The following CRACDL variants were observed in gnomAD, a reference collection of about 807,000 sequenced individuals.
The protein encoded by CRACDL is CRACD-like protein.
A neutral mutation model predicts 70.6 loss-of-function variants in CRACDL; 26 were observed. That is an observed-to-expected ratio of 0.37 (90% CI 0.27 to 0.51). The LOEUF is 0.51. Ranked by LOEUF, CRACDL falls within the 20% of genes least tolerant of loss-of-function variation. CRACDL has a pLI of 0.94. For missense variants in CRACDL, 1,283 were observed against 1,376.9 expected, an observed-to-expected ratio of 0.93 and a Z score of 1.08; for synonymous variants, 618 against 615.2, an observed-to-expected ratio of 1.00 and a Z score of -0.07.
intron 1 of CRACDL, among the ~76,000 whole-genome samples, chr2:98,922,641 A>T (rs1009687430): frequency 6.6e-6 from 1 of 152,188 alleles, no homozygotes; most frequent in African/African-American, 2.4e-5. Context: ...CTATGATGCC[A>T]TGCAGCTCCA....
intron 1 of CRACDL, among the ~76,000 whole-genome samples, chr2:98,880,367 C>T (rs4851169): frequency 0.038 from 5,727 of 152,202 alleles, 305 homozygotes; most frequent in East Asian, 0.13. Context: ...CTGTGCTAGG[C>T]GCTGTTCTAA....
rs183492134 is a variant in CRACDL, at chr2:98,893,447, C to T, written c.-11+42491G>A. On this transcript the variant is annotated intron_variant, in intron 1 of 9. Transcript: ENST00000397899. ...TACAGGTGTCCATCACCACACCTGG[C>T]TAATTTTTTGTATTTTTTAGTAGAG... is the stretch of plus-strand genomic sequence containing the variant. Among the ~76,000 whole-genome samples, 479 of 152,250 alleles carry T rather than the reference C, an allele frequency of 3.1e-3. 3 individuals are homozygous for T. Among genetic ancestry groups the T allele is most frequent in the Non-Finnish European group, 5.5e-3 (372 of 68,020 alleles).
At chr2:98,864,923 TAA>T in intron 1 of CRACDL, among the ~76,000 whole-genome samples, 1 of 152,220 alleles carries the variant, frequency 6.6e-6, no homozygotes, top group Non-Finnish European at 1.5e-5. Flanking sequence ...AAGGATGAAA[TAA>T]AGACATTTTC....
chr2:98,916,904 C>T (rs1269909257), intron 1 of CRACDL, among the ~76,000 whole-genome samples: 1 of 152,226 alleles, frequency 6.6e-6, no homozygotes, highest in East Asian at 1.9e-4. Context: ...CCCAAACCAT[C>T]TCCTTTGCTA....
chr2:98,817,237 T>C (rs536030742), intron 7 of CRACDL, among the ~76,000 whole-genome samples: 7 of 152,284 alleles, frequency 4.6e-5, no homozygotes, highest in Non-Finnish European at 8.8e-5. Flanking sequence ...TCAATGTTTA[T>C]AAAGTTTCAG....
intron 3 of CRACDL, among the ~76,000 whole-genome samples, chr2:98,837,765 T>C (rs1705859944): frequency 6.6e-6 from 1 of 152,178 alleles, no homozygotes; most frequent in African/African-American, 2.4e-5. Context: ...ATTTTTCTAA[T>C]ATAGCATCTA....
At chr2:98,813,247 A>G (rs1471685952) in intron 7 of CRACDL, among the ~76,000 whole-genome samples, 1 of 152,204 alleles carries the variant, frequency 6.6e-6, no homozygotes, top group African/African-American at 2.4e-5. Flanking sequence ...CTTGACCAAC[A>G]TGGTGAAACC....
Position 98,905,627 on chromosome 2 carries a change from AT to A in CRACDL, c.-11+30310del, listed in dbSNP as rs34712128. On this transcript the variant is annotated intron_variant, in intron 1 of 9. Transcript: ENST00000397899. ...TTTAGTCTAAGACTGGTGTTACCTCATTTTTTTTTTTTTTTTTTTGAGACAG... is the reference window on the plus strand; with the variant it reads ...TTTAGTCTAAGACTGGTGTTACCTCATTTTTTTTTTTTTTTTTTGAGACAG... 4.6e-3 allele frequency among the ~76,000 whole-genome samples: 602 copies of A among 130,710 alleles called. 2 individuals carry two copies. The highest frequency in any genetic ancestry group is 0.017 in the East Asian group (79 of 4,542). The allele number at this position is 130,710 out of a possible 152,430, so 85.8% of individuals were successfully genotyped here.
At chr2:98,862,324 A>T (rs1706973142) in intron 1 of CRACDL, among the ~76,000 whole-genome samples, 1 of 152,170 alleles carries the variant, frequency 6.6e-6, no homozygotes, top group African/African-American at 2.4e-5. Flanking sequence ...ACAGAAGCTA[A>T]TTTCCAGAGT....
Position 98,822,152 on chromosome 2 carries a change from C to T in CRACDL, c.2121G>A (p.Lys707=). The T allele has an allele frequency of 1.2e-6, 2 of 1,606,072 alleles. No individual in the cohort carries two copies. The highest frequency in any genetic ancestry group is 1.7e-6 in the Non-Finnish European group (2 of 1,176,640). The change falls in exon 7 of 10, where the codon AAG becomes AAA. Residue 707 remains lysine, a synonymous_variant. Transcript: ENST00000397899. This position sits in a 1 kb window ranked among gnomAD's most constrained non-coding sequence, Gnocchi z 4.9. ...DGASQEVKGV[K]RYSAEVRLER... ...CTAACCGGACCTCGGCACTGTACCT[C>T]TTCACACCCTTCACCTCCTGAGAGG...
chr2:98,828,258 G>A (rs751221221), intron 5 of CRACDL, among the ~76,000 whole-genome samples: 4 of 152,212 alleles, frequency 2.6e-5, no homozygotes, highest in Admixed American at 6.5e-5. Flanking sequence ...GATGAGGGGC[G>A]AGGTGCACAG....
rs899941468 is a variant in CRACDL, at chr2:98,928,533, C to T, written c.-11+7405G>A. Reference sequence around the variant, plus strand: ...CTAATTGCTGGGCCCTCCCTGCTGGCTGGCCTGGCCATGTCTGGTCTATAG... The same window carrying T: ...CTAATTGCTGGGCCCTCCCTGCTGGTTGGCCTGGCCATGTCTGGTCTATAG... On this transcript the variant is annotated intron_variant, in intron 1 of 9. Transcript: ENST00000397899. Among the ~76,000 whole-genome samples, 3 of 152,106 alleles carry T rather than the reference C, an allele frequency of 2.0e-5. No homozygotes were observed. The South Asian group carries it at 6.2e-4, about 31-fold the overall frequency.
intron 1 of CRACDL, among the ~76,000 whole-genome samples, chr2:98,915,730 G>T (rs982179412): frequency 6.6e-6 from 1 of 152,056 alleles, no homozygotes; most frequent in Non-Finnish European, 1.5e-5. Flanking sequence ...TGAGTGACAC[G>T]TGGAAGTTAG....
At chr2:98,809,028 G>C (rs546896032) in intron 7 of CRACDL, among the ~76,000 whole-genome samples, 1 of 152,334 alleles carries the variant, frequency 6.6e-6, no homozygotes, top group African/African-American at 2.4e-5. Context: ...GAAACTGTAA[G>C]ACTTCCAGCA....
intron 7 of CRACDL, among the ~76,000 whole-genome samples, chr2:98,801,545 C>G (rs1395339600): frequency 6.6e-6 from 1 of 152,202 alleles, no homozygotes; most frequent in East Asian, 1.9e-4. Context: ...GGTGTAGACA[C>G]TTGCTAGTGT....
chr2:98,830,676 CT>C (rs75119317), intron 5 of CRACDL, among the ~76,000 whole-genome samples: 66 of 148,120 alleles, frequency 4.5e-4, no homozygotes, highest in African/African-American at 1.1e-3. Context: ...AATCTCAGAA[CT>C]TTTTTTTTTT....
intron 1 of CRACDL, among the ~76,000 whole-genome samples, chr2:98,852,234 A>G (rs1032591403): frequency 6.6e-6 from 1 of 152,194 alleles, no homozygotes; most frequent in African/African-American, 2.4e-5. Context: ...AATTCTGCAC[A>G]TACTGGGGAG....
chr2:98,833,038 TCTTA>T, intron 3 of CRACDL, 41 bp from the exon 4 acceptor site: 1 of 1,573,500 alleles, frequency 6.4e-7, no homozygotes, highest in Non-Finnish European at 8.6e-7. Flanking sequence ...CCCACCTCCA[TCTTA>T]CTGACCCCTG....
intron 1 of CRACDL, among the ~76,000 whole-genome samples, chr2:98,875,500 A>ACTG (rs1707465697): frequency 6.6e-6 from 1 of 151,542 alleles, no homozygotes; most frequent in Non-Finnish European, 1.5e-5. Flanking sequence ...GGCCACTGCA[A>ACTG]TCTCTGACAG....
Sources: allele counts gnomAD v4.1 joint callset (sites outside exome capture counted in the v4.1 genomes callset), GRCh38; gene constraint gnomAD v4.1.1; non-coding constraint Gnocchi (gnomAD v3.1); transcripts MANE v1.5; gene names NCBI Gene and HGNC (gene_info 2026-07-23, HGNC 2026-07-21).